Variants in OR1J2 observed in about 807,000 individuals in gnomAD.
OR1J2 encodes the protein olfactory receptor family 1 subfamily J member 2.
For synonymous variants in OR1J2, 142 were observed against 99.7 expected, an observed-to-expected ratio of 1.42 and a Z score of -2.52; for missense variants, 304 against 246.1, an observed-to-expected ratio of 1.24 and a Z score of -1.57.
At chr9:122,493,427 C>G in the OR1J2 span, among the ~76,000 whole-genome samples, 5 of 152,040 alleles carry the variant, frequency 3.3e-5, no homozygotes, top group African/African-American at 1.2e-4. Context: ...CTGGTTTAAC[C>G]TAGGAGGGTT....
chr9:122,484,686 C>G, the OR1J2 span, among the ~76,000 whole-genome samples: 3 of 152,164 alleles, frequency 2.0e-5, no homozygotes, highest in Non-Finnish European at 2.9e-5. Flanking sequence ...TTCATTCCTA[C>G]TTAGTCATGA....
At chr9:122,555,973 A>G in the OR1J2 span, among the ~76,000 whole-genome samples, 1 of 152,208 alleles carries the variant, frequency 6.6e-6, no homozygotes, top group Non-Finnish European at 1.5e-5. Context: ...ATTCATCATT[A>G]TAGTATCATA....
chr9:122,553,815 A>T, the OR1J2 span: 14 of 1,613,850 alleles, frequency 8.7e-6, no homozygotes, highest in African/African-American at 2.7e-5. Context: ...CGAGCTGATG[A>T]TCATCACCAT....
chr9:122,478,039 G>T, the OR1J2 span: 1 of 719,668 alleles, frequency 1.4e-6, no homozygotes, highest in Non-Finnish European at 2.2e-6. Context: ...TTGACTTAGA[G>T]AATGTCTTCA....
chr9:122,485,039 A>G, the OR1J2 span, among the ~76,000 whole-genome samples: 1 of 152,142 alleles, frequency 6.6e-6, no homozygotes, highest in Non-Finnish European at 1.5e-5. Flanking sequence ...TCAAAAACAC[A>G]AAAAACAGTG....
At chr9:122,567,473 T>C in the OR1J2 span, 1 of 1,129,126 alleles carries the variant, frequency 8.9e-7, no homozygotes, top group Admixed American at 2.3e-5. Flanking sequence ...CAGCTTTGAC[T>C]GTTCACCAGA....
At chr9:122,536,666 G>A in the OR1J2 span, among the ~76,000 whole-genome samples, 6 of 152,066 alleles carry the variant, frequency 3.9e-5, no homozygotes, top group Non-Finnish European at 8.8e-5. Context: ...TATTCTCCCA[G>A]ACTCTTGATA....
chr9:122,463,456 A>G, the OR1J2 span, among the ~76,000 whole-genome samples: 3 of 152,094 alleles, frequency 2.0e-5, no homozygotes, highest in African/African-American at 7.2e-5. Context: ...GTTTGGATCC[A>G]TTGCTGGTGA....
At chr9:122,572,326 C>T in the OR1J2 span, among the ~76,000 whole-genome samples, 2 of 152,154 alleles carry the variant, frequency 1.3e-5, no homozygotes, top group Non-Finnish European at 2.9e-5. Context: ...GTGTCAAACA[C>T]AGATCATTAT....
the OR1J2 span, chr9:122,520,132 A>G: frequency 7.4e-7 from 1 of 1,354,880 alleles, no homozygotes. Flanking sequence ...TTTCCAGATC[A>G]TAGATCCTTA....
the OR1J2 span, among the ~76,000 whole-genome samples, chr9:122,449,449 A>G: frequency 6.6e-6 from 1 of 152,014 alleles, no homozygotes; most frequent in Non-Finnish European, 1.5e-5. Flanking sequence ...GGCTTACTGC[A>G]AGCTCTGCCT....
chr9:122,526,253 A>G, the OR1J2 span: 35 of 558,042 alleles, frequency 6.3e-5, no homozygotes, highest in South Asian at 1.8e-3. Flanking sequence ...GAGGCTAAGT[A>G]ACCAGACTAC....
chr9:122,521,945 G>A, the OR1J2 span, among the ~76,000 whole-genome samples: 3 of 152,168 alleles, frequency 2.0e-5, no homozygotes, highest in Non-Finnish European at 4.4e-5. Flanking sequence ...TGTCTGTTGG[G>A]AAGTGTTTCA....
chr9:122,568,355 T>C, the OR1J2 span: 1 of 1,613,964 alleles, frequency 6.2e-7, no homozygotes, highest in African/African-American at 1.3e-5. Flanking sequence ...GCAGGTTCCC[T>C]GTTATGGTGA....
the OR1J2 span, among the ~76,000 whole-genome samples, chr9:122,563,678 A>G: frequency 6.6e-6 from 1 of 152,190 alleles, no homozygotes; most frequent in Non-Finnish European, 1.5e-5. Flanking sequence ...TATCCAATTA[A>G]TCTTTAGCCA....
chr9:122,467,057 C>T, the OR1J2 span, among the ~76,000 whole-genome samples: 4 of 152,106 alleles, frequency 2.6e-5, no homozygotes, highest in Non-Finnish European at 5.9e-5. Flanking sequence ...GAACTCCAGA[C>T]CTCATAAGCC....
chr9:122,532,363 C>T, the OR1J2 span, among the ~76,000 whole-genome samples: 1 of 151,934 alleles, frequency 6.6e-6, no homozygotes, highest in Non-Finnish European at 1.5e-5. Flanking sequence ...TGGTGTGTGG[C>T]GATTAGGCCT....
At chr9:122,540,495 A>G in the OR1J2 span, among the ~76,000 whole-genome samples, 1 of 152,100 alleles carries the variant, frequency 6.6e-6, no homozygotes, top group African/African-American at 2.4e-5. Context: ...TGGTACCAGT[A>G]CCATGCTGTT....
the OR1J2 span, among the ~76,000 whole-genome samples, chr9:122,457,256 G>A: frequency 1.3e-5 from 2 of 152,096 alleles, no homozygotes; most frequent in Non-Finnish European, 1.5e-5. Context: ...AAGATAAACA[G>A]CTAACGTACA....
Sources: allele counts gnomAD v4.1 joint callset (sites outside exome capture counted in the v4.1 genomes callset), GRCh38; gene constraint gnomAD v4.1.1; transcripts MANE v1.5; gene names NCBI Gene and HGNC (gene_info 2026-07-23, HGNC 2026-07-21).